Variants in AKR1C1 observed in about 807,000 individuals in gnomAD.
The protein encoded by AKR1C1 is 20 alpha-hydroxysteroid dehydrogenase.
In AKR1C1, 32 loss-of-function variants were observed where a neutral mutation model predicts 40.6. That is an observed-to-expected ratio of 0.79 (90% CI 0.60 to 1.06). The LOEUF is 1.06. Ranked by LOEUF, AKR1C1 falls within the 50% of genes least tolerant of loss-of-function variation. The probability of loss-of-function intolerance (pLI) is 0.00; values close to 1 mark genes in which losing one functional copy is unlikely to be tolerated. For synonymous variants in AKR1C1, 105 were observed against 134.2 expected (o/e 0.78, Z 1.50); for missense variants, 320 against 363.5 (o/e 0.88, Z 0.97).
intron 7 of AKR1C1, among the ~76,000 whole-genome samples, chr10:4,973,648 T>A (rs544167374): frequency 1.1e-4 from 17 of 152,252 alleles, no homozygotes; most frequent in Non-Finnish European, 1.9e-4. Context: ...AGACACCACC[T>A]CTTGTTGGAA....
At chr10:4,966,813 T>A (rs1351120125) in intron 2 of AKR1C1, 114 bp from the exon 3 acceptor site, 12 of 804,254 alleles carry the variant, frequency 1.5e-5, no homozygotes, top group Non-Finnish European at 2.2e-5. Context: ...AGAATAATTT[T>A]GCCTGTGGTC....
At position 4,972,489 on chromosome 10, in the gene AKR1C1, C is replaced by T. The variant is rs1413043588; in HGVS notation, c.681-95C>T. The T allele has an allele frequency of 1.9e-5, 31 of 1,598,818 alleles. No homozygotes were observed. The Admixed American group carries it at 4.8e-4, about 25-fold the overall frequency. The stretch of plus-strand genomic sequence containing the variant: ...GTTCGGGGGCCTCGCTTGAGAAGCT[C>T]CGGTGCAGAGTGGACGCCTTAGTCT... On this transcript the variant is annotated intron_variant, in intron 6 of 8. Coordinates refer to ENST00000380872, the MANE Select transcript of AKR1C1 (RefSeq NM_001353.6).
intron 7 of AKR1C1, among the ~76,000 whole-genome samples, chr10:4,975,275 A>G (rs545430082): frequency 1.4e-3 from 218 of 151,994 alleles, no homozygotes; most frequent in African/African-American, 3.9e-3. Context: ...CAGTTTCCCT[A>G]TGGATTTATA....
In AKR1C1 at chr10:4,972,782, T is replaced by C. The variant is rs541129499; in HGVS notation, c.846+33T>C. 526 of 1,604,656 alleles carry C rather than the reference T, an allele frequency of 3.3e-4. No homozygotes were observed. The East Asian group carries it at 0.011, about 33-fold the overall frequency. Reference sequence around the variant, plus strand: ...GCGGGGCTGTGGGCCTCAGGTCTCCTGCACAGTGTCCTTCACACGTGTGCT... The same window carrying C: ...GCGGGGCTGTGGGCCTCAGGTCTCCCGCACAGTGTCCTTCACACGTGTGCT... On this transcript the variant is annotated intron_variant, in intron 7 of 8. Coordinates refer to ENST00000380872, the MANE Select transcript of AKR1C1 (RefSeq NM_001353.6).
intron 5 of AKR1C1, among the ~76,000 whole-genome samples, chr10:4,970,231 T>A (rs1836401096): frequency 6.6e-6 from 1 of 152,216 alleles, no homozygotes; most frequent in African/African-American, 2.4e-5. Context: ...TCTAAGAACA[T>A]CATCTATAGT....
intron 5 of AKR1C1, chr10:4,969,821 T>G: frequency 7.0e-7 from 1 of 1,430,622 alleles, no homozygotes. Context: ...TGTTTTATTT[T>G]ATGTTTTAAA....
intron 7 of AKR1C1, among the ~76,000 whole-genome samples, chr10:4,975,409 T>C (rs1836511827): frequency 6.6e-6 from 1 of 152,246 alleles, no homozygotes; most frequent in Non-Finnish European, 1.5e-5. Flanking sequence ...AGACAATTAT[T>C]GGCTTGAGTG....
chr10:4,974,266 TATATA>T (rs764235360), intron 7 of AKR1C1, among the ~76,000 whole-genome samples: 23 of 151,902 alleles, frequency 1.5e-4, no homozygotes, highest in Non-Finnish European at 3.1e-4. Context: ...ACATATGTGT[TATATA>T]ATATATATGT....
Position 4,966,002 on chromosome 10 carries a change from A to T in AKR1C1, c.173A>T (p.Glu58Val), listed in dbSNP as rs751223880. The T allele has an allele frequency of 6.2e-7, 1 of 1,614,226 alleles. No homozygotes were observed. The highest frequency in any genetic ancestry group is 1.1e-5 in the South Asian group (1 of 91,080). Residue 58 changes from glutamate to valine, a missense_variant, in exon 2 of 9, where the codon GAG (glutamate) becomes GTG (valine). Around this residue, in one of 3 missense-constraint regions of AKR1C1, gnomAD observed 214 missense variants for 214.8 expected, o/e 1.00. Transcript: ENST00000380872. ...HIDSAHLYNN[E>V]EQVGLAIRSK... is the part of the protein sequence containing the mutation. ...GATTCTGCTCATTTATACAATAATG[A>T]GGAGCAGGTTGGACTGGCCATCCGA...
Position 4,967,042 on chromosome 10 carries a change from A to G in AKR1C1, c.368A>G (p.Lys123Arg). 6.2e-7 allele frequency: 1 copy of G among 1,612,478 alleles called. No homozygotes were observed. The highest frequency in any genetic ancestry group is 8.5e-7 in the Non-Finnish European group (1 of 1,178,608). ...LYLIHFPVSV[K>R]PGEEVIPKDE... ...CTTATTCATTTTCCAGTGTCTGTAA[A>G]GGTAGGCAGCTTGTGTGATCAAATT... The change falls in exon 3 of 9, where the codon AAG becomes AGG. Residue 123 changes from lysine (K) to arginine (R), a missense_variant and splice_region_variant. Transcript: ENST00000380872.
At position 4,982,369 on chromosome 10, in the gene AKR1C1, C is replaced by G. The variant is rs1836632572; in HGVS notation, c.*4627C>G. 1 of 130,956 alleles carries G rather than the reference C, an allele frequency of 7.6e-6. No individual in the cohort carries two copies. The highest frequency in any genetic ancestry group is 2.8e-5 in the African/African-American group (1 of 35,976). The allele number at this position is 130,956 out of a possible 1,614,324, so 8.1% of individuals were successfully genotyped here. A position where few individuals can be genotyped will look rare whatever the true frequency, so the allele number is the denominator to read the frequency against. On this transcript the variant is annotated 3_prime_UTR_variant, in exon 9 of 9. Transcript: ENST00000380872. ...TAGAAGAGCTGCGCCCCACCCCCCT[C>G]CCTGGACAGCCCAGCTACAATTGTC...
At chr10:4,965,247 T>C (rs1836312481) in intron 1 of AKR1C1, among the ~76,000 whole-genome samples, 1 of 152,110 alleles carries the variant, frequency 6.6e-6, no homozygotes, top group Non-Finnish European at 1.5e-5. Flanking sequence ...TTTCCTCGTG[T>C]TAATTTCTTT....
Position 4,977,946 on chromosome 10 carries a change from C to T in AKR1C1, c.*204C>T. 2 of 690,522 alleles carry T rather than the reference C, an allele frequency of 2.9e-6. No homozygotes were observed. The highest frequency in any genetic ancestry group is 4.7e-6 in the Non-Finnish European group (2 of 422,658). The allele number at this position is 690,522 out of a possible 1,614,324, so 42.8% of individuals were successfully genotyped here. ...TCATTTTGAAAAAATTAAATGCTCTCTCCTAAAGATTCTTCACCTACTTTG... is the reference window on the plus strand; with the variant it reads ...TCATTTTGAAAAAATTAAATGCTCTTTCCTAAAGATTCTTCACCTACTTTG... On this transcript the variant is annotated 3_prime_UTR_variant, in exon 9 of 9. Transcript: ENST00000380872.
At position 4,977,732 on chromosome 10, in the gene AKR1C1, A is replaced by T; in HGVS notation, c.962A>T (p.Asp321Val). Residue 321 changes from aspartate (D) to valine (V), a missense_variant, in exon 9 of 9, where the codon GAT becomes GTT. Coordinates refer to ENST00000380872, the MANE Select transcript of AKR1C1 (RefSeq NM_001353.6). ...FAGPPNYPFS[D>V]EY is the part of the protein sequence containing the mutation. The stretch of plus-strand genomic sequence containing the variant: ...GGCCCCCCTAATTATCCATTTTCTG[A>T]TGAATATTAACATGGAGGGCATTGC... 1 of 1,609,770 alleles carries T rather than the reference A, an allele frequency of 6.2e-7. No homozygotes were observed. The highest frequency in any genetic ancestry group is 8.5e-7 in the Non-Finnish European group (1 of 1,178,878).
rs1249211706 is a variant in AKR1C1 at position 4,977,903 on chromosome 10, G to T, written c.*161G>T. On this transcript the variant is annotated 3_prime_UTR_variant, in exon 9 of 9. Coordinates refer to ENST00000380872, the MANE Select transcript of AKR1C1 (RefSeq NM_001353.6). ...CAAAGCCCATTGGCCAGAAAGGAAA[G>T]ACAATAATTTTGTTTTTTCATTTTG... is the stretch of plus-strand genomic sequence containing the variant. 8.5e-5 allele frequency: 95 copies of T among 1,122,750 alleles called. No homozygotes were observed. Among genetic ancestry groups the T allele is most frequent in the Non-Finnish European group, 1.2e-4 (92 of 798,982 alleles). The allele number at this position is 1,122,750 out of a possible 1,614,324, so 69.5% of individuals were successfully genotyped here. A position where few individuals can be genotyped will look rare whatever the true frequency, so the allele number is the denominator to read the frequency against.
In AKR1C1 at chr10:4,979,316, A is replaced by T. The variant is rs147477127; in HGVS notation, c.*1574A>T. The T allele has an allele frequency of 2.0e-5, 3 of 152,300 alleles. No individual in the cohort carries two copies. In the East Asian group the frequency reaches 5.8e-4, roughly 29 times the overall value. The allele number at this position is 152,300 out of a possible 1,614,324, so 9.4% of individuals were successfully genotyped here. On this transcript the variant is annotated 3_prime_UTR_variant, in exon 9 of 9. Coordinates refer to ENST00000380872, the MANE Select transcript of AKR1C1 (RefSeq NM_001353.6). The stretch of plus-strand genomic sequence containing the variant: ...TCTAGGCTGAAAAATCCCCCTAAAA[A>T]TATTTCTAGCTCAGATTTTTCCTCC...
chr10:4,970,970 A>C (rs1234202083), intron 5 of AKR1C1, among the ~76,000 whole-genome samples: 6 of 152,090 alleles, frequency 3.9e-5, no homozygotes, highest in African/African-American at 1.4e-4. Context: ...TAAAAAAAAA[A>C]AAACTTGGTT....
At chr10:4,968,680 T>G in intron 4 of AKR1C1, 142 bp from the exon 5 acceptor site, 1 of 1,400,186 alleles carries the variant, frequency 7.1e-7, no homozygotes, top group Non-Finnish European at 9.7e-7. Flanking sequence ...CACTATCTTC[T>G]TCCCCAATTT....
At chr10:4,968,135 C>T (rs1230542057) in intron 3 of AKR1C1, 174 bp from the exon 4 acceptor site, 1 of 1,089,790 alleles carries the variant, frequency 9.2e-7, no homozygotes, top group African/African-American at 1.6e-5. Flanking sequence ...GGGAGCCTGT[C>T]ACCTGAAGAC....
Sources: gnomAD v4.1 joint callset for allele counts (sites outside exome capture counted in the v4.1 genomes callset) on GRCh38, gnomAD v4.1.1 for gene constraint, gnomAD v4.1.1 regional missense constraint, MANE v1.5 for transcripts, NCBI Gene and HGNC (gene_info 2026-07-23, HGNC 2026-07-21) for gene names.